PRIMA1: variants seen among roughly 807,000 people sequenced by gnomAD.
The protein encoded by PRIMA1 is proline-rich membrane anchor 1.
Under a neutral mutation model 17.5 loss-of-function variants are expected in PRIMA1, and 7 were observed. The observed-to-expected ratio is 0.40, with a 90% CI of 0.23 to 0.75. The LOEUF (loss-of-function observed/expected upper bound fraction) is 0.75, where lower values mean the gene tolerates loss of function less well. Ranked by LOEUF, PRIMA1 falls within the 30% of genes least tolerant of loss-of-function variation. PRIMA1 has a pLI of 0.37. For missense variants in PRIMA1, 200 were observed against 201.8 expected (o/e 0.99, Z 0.05); for synonymous variants, 97 against 77.9 (o/e 1.25, Z -1.29).
chr14:93,759,510 T>TGTGTGTGTGC (rs1566972493), intron 3 of PRIMA1, among the ~76,000 whole-genome samples: 2 of 151,884 alleles, frequency 1.3e-5, no homozygotes, highest in East Asian at 1.9e-4. Flanking sequence ...TGCGTGTGCA[T>TGTGTGTGTGC]GTGTGTGTGC....
intron 3 of PRIMA1, among the ~76,000 whole-genome samples, chr14:93,753,543 C>T (rs1381449933): frequency 6.6e-6 from 1 of 152,094 alleles, no homozygotes; most frequent in Non-Finnish European, 1.5e-5. Flanking sequence ...AACTTGGGAG[C>T]AGGGAGCAGG....
At chr14:93,775,762 T>C (rs1566977374) in intron 3 of PRIMA1, among the ~76,000 whole-genome samples, 2 of 152,282 alleles carry the variant, frequency 1.3e-5, no homozygotes, top group Admixed American at 6.5e-5. Flanking sequence ...TCCATGGCTA[T>C]GATAGACATT....
rs2076079092 is a variant in PRIMA1, at chr14:93,726,725, A to AC, written c.360-5180dup. 6.6e-6 allele frequency among the ~76,000 whole-genome samples: 1 copy of AC among 152,080 alleles called. No individual in the cohort carries two copies. The highest frequency in any genetic ancestry group is 1.5e-5 in the Non-Finnish European group (1 of 68,022). ...CCCATACAAACATGTACTTACACAC[A>AC]CACATATATGTACACACAGGCACAT... is the stretch of plus-strand genomic sequence containing the variant. On this transcript the variant is annotated intron_variant, in intron 4 of 4. Coordinates refer to ENST00000393140, the MANE Select transcript of PRIMA1 (RefSeq NM_178013.4). This position sits in a 1 kb window ranked among gnomAD's most constrained non-coding sequence, Gnocchi z 4.2.
intron 3 of PRIMA1, among the ~76,000 whole-genome samples, chr14:93,748,997 G>A (rs1357548592): frequency 6.6e-6 from 1 of 152,132 alleles, no homozygotes; most frequent in Non-Finnish European, 1.5e-5. Flanking sequence ...AATTAATTAC[G>A]CTTCTGGTAG....
intron 3 of PRIMA1, among the ~76,000 whole-genome samples, chr14:93,771,517 G>A (rs540432888): frequency 6.6e-6 from 1 of 152,140 alleles, no homozygotes; most frequent in Non-Finnish European, 1.5e-5. Context: ...AAGCCTTCAA[G>A]GTGGCCCCAG....
intron 3 of PRIMA1, among the ~76,000 whole-genome samples, chr14:93,767,891 G>A (rs1405959776): frequency 6.6e-6 from 1 of 152,186 alleles, no homozygotes; most frequent in Non-Finnish European, 1.5e-5. Context: ...TCCAGAACAG[G>A]CAAATCCATG....
intron 2 of PRIMA1, among the ~76,000 whole-genome samples, chr14:93,785,660 G>T (rs1885502681): frequency 6.6e-6 from 1 of 152,008 alleles, no homozygotes; most frequent in Admixed American, 6.6e-5. Context: ...CGTTCCCTTG[G>T]ATTTAGCTCT....
intron 3 of PRIMA1, among the ~76,000 whole-genome samples, chr14:93,743,497 G>A (rs1347997516): frequency 1.3e-5 from 2 of 152,320 alleles, no homozygotes; most frequent in Non-Finnish European, 2.9e-5. Flanking sequence ...CCCATCAGGC[G>A]GGTCACAACC....
chr14:93,742,703 C>T (rs963632503), intron 3 of PRIMA1, among the ~76,000 whole-genome samples: 1 of 152,146 alleles, frequency 6.6e-6, no homozygotes, highest in African/African-American at 2.4e-5. Context: ...AAATGCCTCC[C>T]CTATCGTCCT....
rs1362337656 is a variant in PRIMA1, at chr14:93,726,866, CAT to C, written c.360-5322_360-5321del. ...CCCTACACACATATGCACACATACA[CAT>C]ATGTGCACATGCATGCACACATACA... On this transcript the variant is annotated intron_variant, in intron 4 of 4. Coordinates refer to ENST00000393140, the MANE Select transcript of PRIMA1 (RefSeq NM_178013.4). This position sits in a 1 kb window ranked among gnomAD's most constrained non-coding sequence, Gnocchi z 4.2. 7.9e-5 allele frequency among the ~76,000 whole-genome samples: 12 copies of C among 152,258 alleles called. No individual in the cohort carries two copies. Among genetic ancestry groups the C allele is most frequent in the South Asian group, 6.2e-4 (3 of 4,824 alleles).
chr14:93,778,661 G>A (rs151231343), intron 3 of PRIMA1, among the ~76,000 whole-genome samples: 16 of 152,310 alleles, frequency 1.1e-4, no homozygotes, highest in African/African-American at 3.6e-4. Context: ...TTTGAACGAC[G>A]GCGCAATCAA....
At chr14:93,782,780 A>G (rs1383240887) in intron 2 of PRIMA1, among the ~76,000 whole-genome samples, 2 of 152,124 alleles carry the variant, frequency 1.3e-5, no homozygotes, top group African/African-American at 4.8e-5. Flanking sequence ...CAGTGTCCTG[A>G]TAGTTTGGTC....
At chr14:93,722,380 G>T (rs2076045195) in intron 4 of PRIMA1, among the ~76,000 whole-genome samples, 2 of 25,448 alleles carry the variant, frequency 7.9e-5, no homozygotes, top group Admixed American at 1.0e-3. Flanking sequence ...TGGTGGTAAT[G>T]GGGTGATGGT....
intron 4 of PRIMA1, among the ~76,000 whole-genome samples, chr14:93,734,456 T>C (rs963155430): frequency 8.5e-5 from 13 of 152,306 alleles, no homozygotes; most frequent in Non-Finnish European, 1.6e-4. Flanking sequence ...TAGGCGGCCC[T>C]TCTCCTAAGT....
At chr14:93,767,644 G>C (rs541127504) in intron 3 of PRIMA1, among the ~76,000 whole-genome samples, 1 of 152,174 alleles carries the variant, frequency 6.6e-6, no homozygotes, top group South Asian at 2.1e-4. Context: ...GAGCCCAAAG[G>C]TGGAGACTTT....
intron 4 of PRIMA1, among the ~76,000 whole-genome samples, chr14:93,730,304 T>C (rs565653694): frequency 1.3e-5 from 2 of 152,316 alleles, no homozygotes; most frequent in South Asian, 2.1e-4. Context: ...GAAAGCAGAA[T>C]TGTAAATTCA....
At chr14:93,724,475 C>T (rs1049995937) in intron 4 of PRIMA1, among the ~76,000 whole-genome samples, 4 of 152,174 alleles carry the variant, frequency 2.6e-5, no homozygotes, top group Non-Finnish European at 4.4e-5. Context: ...CTGTCCCCTT[C>T]ATCCCCGTTC....
chr14:93,762,867 G>A lies in PRIMA1; in HGVS notation c.229+16309C>T, dbSNP rs561094868. On this transcript the variant is annotated intron_variant, in intron 3 of 4. Coordinates refer to ENST00000393140, the MANE Select transcript of PRIMA1 (RefSeq NM_178013.4). The stretch of plus-strand genomic sequence containing the variant: ...TTCACTCCAGGCACATAGGCCTCTT[G>A]CTGCTCCTCCACCCCAGGCCTCAGC... 3.3e-5 allele frequency among the ~76,000 whole-genome samples: 5 copies of A among 152,222 alleles called. No individual in the cohort carries two copies. In the East Asian group the frequency reaches 9.7e-4, roughly 29 times the overall value.
intron 4 of PRIMA1, among the ~76,000 whole-genome samples, chr14:93,727,101 G>A (rs930213550): frequency 1.3e-5 from 2 of 152,168 alleles, no homozygotes; most frequent in Non-Finnish European, 2.9e-5. Flanking sequence ...GCCCAGGGGG[G>A]TGGGAGACAG....
Sources: allele counts gnomAD v4.1 joint callset (sites outside exome capture counted in the v4.1 genomes callset), GRCh38; gene constraint gnomAD v4.1.1; non-coding constraint Gnocchi (gnomAD v3.1); transcripts MANE v1.5; gene names NCBI Gene and HGNC (gene_info 2026-07-23, HGNC 2026-07-21).